B4GALNT3: variants seen among roughly 807,000 people sequenced by gnomAD.
B4GALNT3 encodes beta-1,4-N-acetylgalactosaminyltransferase 3.
Under a neutral mutation model 120.2 loss-of-function variants are expected in B4GALNT3, and 86 were observed. That is an observed-to-expected ratio of 0.72 (90% CI 0.60 to 0.86). The LOEUF (loss-of-function observed/expected upper bound fraction) is 0.86. Ranked by LOEUF, B4GALNT3 falls within the 40% of genes least tolerant of loss-of-function variation. B4GALNT3 has a pLI of 0.00. For missense variants in B4GALNT3, 1,167 were observed against 1,298.9 expected, an observed-to-expected ratio of 0.90 and a Z score of 1.56; for synonymous variants, 518 against 510.4, an observed-to-expected ratio of 1.01 and a Z score of -0.20.
At chr12:546,788 GC>G in intron 7 of B4GALNT3, 75 bp downstream of exon 7, 1 of 1,409,188 alleles carries the variant, frequency 7.1e-7, no homozygotes, top group Non-Finnish European at 9.8e-7. Context: ...CTGTCCGCCA[GC>G]CCAGCTGCCG....
chr12:558,566 T>C lies in B4GALNT3; in HGVS notation c.2666T>C (p.Ile889Thr). 1 of 1,614,140 alleles carries C rather than the reference T, an allele frequency of 6.2e-7. No individual in the cohort carries two copies. The highest frequency in any genetic ancestry group is 8.5e-7 in the Non-Finnish European group (1 of 1,179,998). ...CACATCCACTTCCCAGCTGGAGTCA[T>C]CGATGCCATTCGGAAGCACTGTGTG... is the stretch of plus-strand genomic sequence containing the variant. ...DLHIHFPAGV[I>T]DAIRKHCVEG... is the part of the protein sequence containing the mutation. The change falls in exon 18 of 20, where the codon ATC becomes ACC. Residue 889 changes from isoleucine to threonine, a missense_variant. Ile to Thr is a moderately conservative substitution (Grantham distance 89). Around this residue, in one of 3 missense-constraint regions of B4GALNT3, gnomAD observed 983 missense variants for 1,102.5 expected, o/e 0.89. Transcript: ENST00000266383.
At chr12:527,614 G>C (rs1303959045) in intron 1 of B4GALNT3, among the ~76,000 whole-genome samples, 1 of 149,902 alleles carries the variant, frequency 6.7e-6, no homozygotes, top group African/African-American at 2.5e-5. Flanking sequence ...TAGGCCTTAG[G>C]ATTCCACCTT....
chr12:536,138 G>A (rs2120665238), intron 2 of B4GALNT3, 80 bp from the exon 3 acceptor site: 4 of 1,192,046 alleles, frequency 3.4e-6, no homozygotes, highest in East Asian at 2.3e-5. Flanking sequence ...CCTCCTGGGA[G>A]CAGGCACTGT....
intron 1 of B4GALNT3, among the ~76,000 whole-genome samples, chr12:518,027 C>G (rs997941963): frequency 6.6e-6 from 1 of 152,164 alleles, no homozygotes; most frequent in Non-Finnish European, 1.5e-5. Context: ...TCAGTTTTAT[C>G]GTTAGGAAAA....
At position 478,283 on chromosome 12, in the gene B4GALNT3, TAAA is replaced by T. The variant is rs10718025; in HGVS notation, c.169+17750_169+17752del. On this transcript the variant is annotated intron_variant, in intron 1 of 19. Coordinates refer to ENST00000266383, the MANE Select transcript of B4GALNT3 (RefSeq NM_173593.4). Reference sequence around the variant, plus strand: ...AAAAAAAAAAAAAAATTAGAGGAGGTAAAAAAAAAAAAAATATTCAAGCCTGAT... The same window carrying T: ...AAAAAAAAAAAAAAATTAGAGGAGGTAAAAAAAAAAATATTCAAGCCTGAT... 5.3e-5 allele frequency among the ~76,000 whole-genome samples: 7 copies of T among 131,444 alleles called. No homozygotes were observed. The South Asian group carries it at 1.4e-3, about 26-fold the overall frequency. 86.2% of individuals were successfully genotyped at this position (131,444 alleles called of 152,430 possible).
At chr12:510,524 G>A (rs149058358) in intron 1 of B4GALNT3, among the ~76,000 whole-genome samples, 2,095 of 121,310 alleles carry the variant, frequency 0.017, 26 homozygotes, top group Non-Finnish European at 0.027. Flanking sequence ...GAGCAAGTCA[G>A]ACTCTGGTGA....
intron 1 of B4GALNT3, among the ~76,000 whole-genome samples, chr12:472,628 G>A (rs1478214890): frequency 2.0e-5 from 3 of 152,172 alleles, no homozygotes; most frequent in Non-Finnish European, 2.9e-5. Flanking sequence ...TAGTAGAGGC[G>A]GGGTCTCACA....
At chr12:501,294 A>T (rs10849119) in intron 1 of B4GALNT3, among the ~76,000 whole-genome samples, 1 of 152,036 alleles carries the variant, frequency 6.6e-6, no homozygotes, top group South Asian at 2.1e-4. Context: ...TACTAAAACT[A>T]ATCTATTTGC....
chr12:558,072 G>A lies in B4GALNT3; in HGVS notation c.2591G>A (p.Gly864Asp), dbSNP rs1203768942. 2.5e-6 allele frequency: 4 copies of A among 1,613,764 alleles called. No individual in the cohort carries two copies. The highest frequency in any genetic ancestry group is 3.4e-6 in the Non-Finnish European group (4 of 1,180,018). ...NFERSAGLQA[G>D]IDLVKDPHSI... is the part of the protein sequence containing the mutation. ...GAACGCTCAGCTGGACTTCAGGCTG[G>A]CATAGACCTCGTGAAGGTAAAGGGC... is the stretch of plus-strand genomic sequence containing the variant. The change falls in exon 17 of 20, where the codon GGC (glycine) becomes GAC (aspartate). Residue 864 changes from glycine to aspartate, a missense_variant. By Grantham distance (94) the Gly-to-Asp change is moderately conservative. Around this residue, in one of 3 missense-constraint regions of B4GALNT3, gnomAD observed 983 missense variants for 1,102.5 expected, o/e 0.89. Transcript: ENST00000266383.
chr12:489,925 C>T (rs1163845548), intron 1 of B4GALNT3, among the ~76,000 whole-genome samples: 2 of 151,970 alleles, frequency 1.3e-5, no homozygotes, highest in Admixed American at 6.6e-5. Flanking sequence ...TCTCAGACCA[C>T]GATGGAATTA....
intron 3 of B4GALNT3, 23 bp from the exon 4 acceptor site, chr12:544,316 C>G (rs756969605): frequency 6.2e-7 from 1 of 1,611,016 alleles, no homozygotes. Flanking sequence ...CGCTCACTCA[C>G]CACTGGCGTC....
In B4GALNT3 at chr12:466,448, A is replaced by G. The variant is rs992384302; in HGVS notation, c.169+5903A>G. ...TTATTTTCCACAAGCACTTTTCGTT[A>G]TATGTAAAGATTATGTGGTCTCAAC... On this transcript the variant is annotated intron_variant, in intron 1 of 19. Transcript: ENST00000266383. Among the ~76,000 whole-genome samples the G allele has an allele frequency of 2.6e-5, 4 of 152,338 alleles. No individual in the cohort carries two copies. In the South Asian group the frequency reaches 8.3e-4, roughly 32 times the overall value.
intron 15 of B4GALNT3, among the ~76,000 whole-genome samples, chr12:557,114 T>G (rs1286983292): frequency 1.3e-5 from 2 of 152,166 alleles, no homozygotes; most frequent in African/African-American, 4.8e-5. Context: ...GTTTCAGGAT[T>G]GGGTGTGATA....
At position 544,165 on chromosome 12, in the gene B4GALNT3, G is replaced by T. The variant is rs145161284; in HGVS notation, c.352-174G>T. ...CTCCTGGAGCTGAGGATCTGGGGCG[G>T]GTGTGGGATGCTCATCCTCCTGGAG... On this transcript the variant is annotated intron_variant, in intron 3 of 19. Coordinates refer to ENST00000266383, the MANE Select transcript of B4GALNT3 (RefSeq NM_173593.4). Among the ~76,000 whole-genome samples, 41 of 136,370 alleles carry T rather than the reference G, an allele frequency of 3.0e-4. 1 individual carries two copies. In the East Asian group the frequency reaches 8.2e-3, roughly 27 times the overall value. The allele number at this position is 136,370 out of a possible 152,430, so 89.5% of individuals were successfully genotyped here. A position where few individuals can be genotyped will look rare whatever the true frequency, so the allele number is the denominator to read the frequency against.
intron 7 of B4GALNT3, 180 bp downstream of exon 7, chr12:546,893 A>G (rs546148049): frequency 3.6e-5 from 22 of 619,192 alleles, no homozygotes; most frequent in Non-Finnish European, 6.0e-5. Flanking sequence ...CGTTTCACAG[A>G]TGGGGAAACT....
At chr12:469,987 T>C (rs1393820984) in intron 1 of B4GALNT3, among the ~76,000 whole-genome samples, 3 of 152,156 alleles carry the variant, frequency 2.0e-5, no homozygotes, top group South Asian at 2.1e-4. Flanking sequence ...GTGTACATCC[T>C]AGCTTTGTAA....
Position 556,500 on chromosome 12 carries a change from C to T in B4GALNT3, c.2061-47C>T. 3 of 1,538,846 alleles carry T rather than the reference C, an allele frequency of 1.9e-6. No individual in the cohort carries two copies. The South Asian group carries it at 3.5e-5, about 18-fold the overall frequency. ...GCTTCTCACACACCGTGCTACCCTC[C>T]CAGTGTGGAAAGGAACCACTCAGCC... On this transcript the variant is annotated intron_variant, in intron 14 of 19. Transcript: ENST00000266383.
chr12:524,893 C>T (rs943202056), intron 1 of B4GALNT3, among the ~76,000 whole-genome samples: 15 of 152,096 alleles, frequency 9.9e-5, no homozygotes, highest in African/African-American at 3.1e-4. Flanking sequence ...TGTGTTTGTC[C>T]TCTGTTAAAT....
intron 1 of B4GALNT3, among the ~76,000 whole-genome samples, chr12:514,789 A>G (rs1946636698): frequency 6.6e-6 from 1 of 151,858 alleles, no homozygotes; most frequent in Non-Finnish European, 1.5e-5. Flanking sequence ...AGCACTTTGG[A>G]AGGCCAAGGC....
Sources: allele counts gnomAD v4.1 joint callset (sites outside exome capture counted in the v4.1 genomes callset), GRCh38; gene constraint gnomAD v4.1.1; regional missense constraint gnomAD v4.1.1; transcripts MANE v1.5; gene names NCBI Gene and HGNC (gene_info 2026-07-23, HGNC 2026-07-21).